YTHDC2: variants seen among roughly 807,000 people sequenced by gnomAD.
The protein encoded by YTHDC2 is YTH N6-methyladenosine RNA binding protein C2.
A neutral mutation model predicts 174.9 loss-of-function variants in YTHDC2; 45 were observed. The ratio of observed to expected loss-of-function variants is 0.26; its 90% CI spans 0.20 to 0.33. YTHDC2 has a LOEUF of 0.33. Among genes scored for constraint, YTHDC2 ranks in the 10% least tolerant of loss-of-function variants. The pLI is 1.00. For missense variants in YTHDC2, 1,650 were observed against 1,723.7 expected, an observed-to-expected ratio of 0.96 and a Z score of 0.76; for synonymous variants, 657 against 574.5, an observed-to-expected ratio of 1.14 and a Z score of -2.05.
chr5:113,571,571 C>T (rs1403407523), intron 23 of YTHDC2, among the ~76,000 whole-genome samples: 1 of 152,180 alleles, frequency 6.6e-6, no homozygotes. Flanking sequence ...CTTCTATGTA[C>T]TTCTGGTAGA....
Position 113,561,090 on chromosome 5 carries a change from T to A in YTHDC2, c.2227T>A (p.Cys743Ser). Reference protein sequence around the residue: ...AIQRKGRAGRCRPGICFRLFS... With the variant: ...AIQRKGRAGRSRPGICFRLFS... ...TACTTTATTTTTAAGGGCAGGGCGATGTAGACCTGGAATTTGTTTTCGTCT... is the reference window on the plus strand; with the variant it reads ...TACTTTATTTTTAAGGGCAGGGCGAAGTAGACCTGGAATTTGTTTTCGTCT... The change falls in exon 18 of 30, where the codon TGT (cysteine) becomes AGT (serine). Residue 743 changes from cysteine to serine, a missense_variant. By Grantham distance (112) the Cys-to-Ser change is moderately radical. This residue lies in a region of YTHDC2 where 913 missense variants were observed against 940.4 expected (regional missense o/e 0.97). Transcript: ENST00000161863. The A allele has an allele frequency of 6.2e-7, 1 of 1,608,348 alleles. No individual in the cohort carries two copies. The highest frequency in any genetic ancestry group is 1.1e-5 in the South Asian group (1 of 89,900).
chr5:113,533,241 T>C (rs1457600728), intron 5 of YTHDC2, among the ~76,000 whole-genome samples, 196 bp downstream of exon 5: 2 of 152,124 alleles, frequency 1.3e-5, no homozygotes, highest in Non-Finnish European at 2.9e-5. Flanking sequence ...CTTTGAACCA[T>C]AGATAAAAAT....
intron 4 of YTHDC2, among the ~76,000 whole-genome samples, chr5:113,529,191 T>A (rs113860290): frequency 6.6e-6 from 1 of 152,208 alleles, no homozygotes; most frequent in Non-Finnish European, 1.5e-5. Flanking sequence ...AGTTGTCTCA[T>A]TTCAGCTTCT....
At chr5:113,543,536 C>T (rs915883887) in intron 10 of YTHDC2, among the ~76,000 whole-genome samples, 3 of 152,182 alleles carry the variant, frequency 2.0e-5, no homozygotes, top group Non-Finnish European at 2.9e-5. Flanking sequence ...TGCAGTAGCC[C>T]GTTAACCATT....
At chr5:113,535,868 CAG>C (rs1775021781) in intron 7 of YTHDC2, 70 bp downstream of exon 7, 14 of 1,318,166 alleles carry the variant, frequency 1.1e-5, no homozygotes, top group Non-Finnish European at 1.1e-5. Context: ...TTTATCCTAA[CAG>C]AAACTGGGGA....
intron 5 of YTHDC2, among the ~76,000 whole-genome samples, chr5:113,533,329 G>A (rs1031594279): frequency 8.6e-5 from 13 of 151,424 alleles, no homozygotes; most frequent in Non-Finnish European, 1.9e-4. Context: ...GATCACCTGC[G>A]GTCAGGAGTT....
At chr5:113,583,990 A>C in intron 25 of YTHDC2, 1 of 179,700 alleles carries the variant, frequency 5.6e-6, no homozygotes, top group Non-Finnish European at 1.2e-5. Context: ...TTATTCATAG[A>C]ATTTTAGAAT....
intron 23 of YTHDC2, among the ~76,000 whole-genome samples, chr5:113,578,786 A>G (rs1210654522): frequency 6.6e-6 from 1 of 152,034 alleles, no homozygotes; most frequent in Non-Finnish European, 1.5e-5. Context: ...TTCTTTGTTG[A>G]TGTTCTTTAA....
intron 23 of YTHDC2, among the ~76,000 whole-genome samples, chr5:113,579,345 T>G (rs1184558839): frequency 1.3e-5 from 2 of 152,146 alleles, no homozygotes; most frequent in Non-Finnish European, 2.9e-5. Context: ...AATTTTATAT[T>G]CTTGTCTTTT....
intron 17 of YTHDC2, among the ~76,000 whole-genome samples, chr5:113,559,870 A>G (rs1334166504): frequency 2.6e-5 from 4 of 152,244 alleles, no homozygotes; most frequent in Non-Finnish European, 5.9e-5. Flanking sequence ...ACCAAGAGGT[A>G]GAAGTGGTCC....
intron 17 of YTHDC2, among the ~76,000 whole-genome samples, chr5:113,556,713 G>C (rs181526903): frequency 2.0e-5 from 3 of 152,294 alleles, no homozygotes; most frequent in Non-Finnish European, 4.4e-5. Flanking sequence ...GTATAGATTG[G>C]TGTGACTTCT....
Position 113,588,249 on chromosome 5 carries a change from G to C in YTHDC2, c.3826-2792G>C, listed in dbSNP as rs76996772. 9.1e-3 allele frequency among the ~76,000 whole-genome samples: 1,392 copies of C among 152,146 alleles called. 22 individuals carry two copies. Among genetic ancestry groups the C allele is most frequent in the African/African-American group, 0.031 (1,306 of 41,502 alleles). On this transcript the variant is annotated intron_variant, in intron 26 of 29. Transcript: ENST00000161863. The stretch of plus-strand genomic sequence containing the variant: ...AGCCTCCAGCAAAATATTGTTCAGT[G>C]TTGAGAGCCACATATCTTTCCCTTG...
intron 23 of YTHDC2, among the ~76,000 whole-genome samples, chr5:113,570,742 C>G (rs1777659898): frequency 6.6e-6 from 1 of 152,120 alleles, no homozygotes; most frequent in Non-Finnish European, 1.5e-5. Flanking sequence ...CCTCCGCCTT[C>G]TGGGTTCAAG....
Position 113,592,100 on chromosome 5 carries a change from C to A in YTHDC2, c.4134C>A (p.Ser1378Arg). ...VFKVEWIRKESLPFQFAHHLL... is the reference protein window; with the variant it reads ...VFKVEWIRKERLPFQFAHHLL... ...AGGTGGAGTGGATACGAAAAGAAAG[C>A]CTTCCCTTTCAATTTGCACACCATT... The change falls in exon 28 of 30, where the codon AGC (serine) becomes AGA (arginine). Residue 1378 changes from serine (S) to arginine (R), a missense_variant. Physicochemically the swap from Ser to Arg is moderately radical, Grantham distance 110. Coordinates refer to ENST00000161863, the MANE Select transcript of YTHDC2 (RefSeq NM_022828.5). 1 of 1,613,094 alleles carries A rather than the reference C, an allele frequency of 6.2e-7. No individual in the cohort carries two copies. The highest frequency in any genetic ancestry group is 8.5e-7 in the Non-Finnish European group (1 of 1,179,526).
intron 10 of YTHDC2, among the ~76,000 whole-genome samples, chr5:113,547,062 T>C (rs372530615): frequency 2.0e-4 from 31 of 152,302 alleles, no homozygotes; most frequent in Admixed American, 1.3e-3. Flanking sequence ...TTCTGTTCAT[T>C]AGAATGAGTC....
intron 2 of YTHDC2, among the ~76,000 whole-genome samples, chr5:113,518,200 T>TG (rs947014573): frequency 1.3e-5 from 2 of 150,008 alleles, no homozygotes; most frequent in East Asian, 1.9e-4. Flanking sequence ...TTTTTGTTTT[T>TG]TTTTTTTTTT....
intron 4 of YTHDC2, among the ~76,000 whole-genome samples, chr5:113,530,154 T>G (rs892756114): frequency 2.0e-5 from 3 of 152,234 alleles, no homozygotes; most frequent in Non-Finnish European, 2.9e-5. Flanking sequence ...AAAATTCATC[T>G]GAAATTTATT....
At chr5:113,589,408 A>AAAAATATATAT (rs368975720) in intron 26 of YTHDC2, among the ~76,000 whole-genome samples, 5 of 123,262 alleles carry the variant, frequency 4.1e-5, no homozygotes, top group African/African-American at 1.4e-4. Flanking sequence ...AAAAAAAAAA[A>AAAAATATATAT]ATATATATAT....
At chr5:113,515,901 C>A (rs749172674) in intron 2 of YTHDC2, among the ~76,000 whole-genome samples, 1 of 152,090 alleles carries the variant, frequency 6.6e-6, no homozygotes, top group Non-Finnish European at 1.5e-5. Context: ...TGTAGGTTCC[C>A]CTGGTGCTGT....
Sources: allele counts gnomAD v4.1 joint callset (sites outside exome capture counted in the v4.1 genomes callset), GRCh38; gene constraint gnomAD v4.1.1; regional missense constraint gnomAD v4.1.1; transcripts MANE v1.5; gene names NCBI Gene and HGNC (gene_info 2026-07-23, HGNC 2026-07-21).